Variants in DAB1 observed in about 807,000 individuals in gnomAD.
The protein encoded by DAB1 is DAB adaptor protein 1.
DAB1 carries 15 observed loss-of-function variants against 64.6 expected under a neutral mutation model. The observed-to-expected ratio is 0.23, with a 90% CI of 0.16 to 0.36. The LOEUF (loss-of-function observed/expected upper bound fraction) is 0.36, where lower values mean the gene tolerates loss of function less well. DAB1 is among the 10% of genes least tolerant of loss of function. DAB1 has a pLI of 1.00. For missense variants in DAB1, 596 were observed against 706.7 expected (o/e 0.84, Z 1.78); for synonymous variants, 235 against 251.9 (o/e 0.93, Z 0.64).
At chr1:57,705,524 C>T (rs1646956744) in intron 6 of DAB1, among the ~76,000 whole-genome samples, 1 of 151,972 alleles carries the variant, frequency 6.6e-6, no homozygotes, top group South Asian at 2.1e-4. Flanking sequence ...TTTCTTTTTC[C>T]ATTTTTCTCT....
intron 6 of DAB1, among the ~76,000 whole-genome samples, chr1:57,668,598 A>T (rs1008651522): frequency 6.6e-6 from 1 of 152,236 alleles, no homozygotes; most frequent in African/African-American, 2.4e-5. Flanking sequence ...TCCCCAACCA[A>T]AGGACAGCAC....
intron 5 of DAB1, among the ~76,000 whole-genome samples, chr1:58,138,027 A>G (rs1654044690): frequency 6.6e-6 from 1 of 152,206 alleles, no homozygotes; most frequent in African/African-American, 2.4e-5. Flanking sequence ...TTTTTCTCAT[A>G]AACATAATAT....
At chr1:58,538,213 G>T (rs1177463646) in intron 1 of DAB1, among the ~76,000 whole-genome samples, 1 of 152,074 alleles carries the variant, frequency 6.6e-6, no homozygotes, top group African/African-American at 2.4e-5. Context: ...GAGAAAAAGG[G>T]TTAAAGCACT....
At chr1:58,101,142 C>G (rs1428953312) in intron 5 of DAB1, among the ~76,000 whole-genome samples, 1 of 152,036 alleles carries the variant, frequency 6.6e-6, no homozygotes, top group Non-Finnish European at 1.5e-5. Context: ...CGGTGAAACC[C>G]TGTCTCTACT....
At chr1:57,754,077 C>T (rs1648680063) in intron 6 of DAB1, among the ~76,000 whole-genome samples, 1 of 152,136 alleles carries the variant, frequency 6.6e-6, no homozygotes, top group African/African-American at 2.4e-5. Flanking sequence ...TTATCTCATC[C>T]TCTTCTGAGT....
At chr1:57,245,806 A>G (rs553457299) in intron 2 of DAB1, among the ~76,000 whole-genome samples, 1 of 152,316 alleles carries the variant, frequency 6.6e-6, no homozygotes, top group South Asian at 2.1e-4. Context: ...CAGTAATGGG[A>G]TCGCTGGGTC....
At chr1:57,207,505 G>A (rs1169174198) in intron 2 of DAB1, among the ~76,000 whole-genome samples, 6 of 126,542 alleles carry the variant, frequency 4.7e-5, no homozygotes, top group Non-Finnish European at 6.6e-5. Context: ...GTGCAGTGGC[G>A]GGATCTCGGC....
At position 58,485,228 on chromosome 1, in the gene DAB1, T is replaced by TAAAAA. The variant is rs71043289; in HGVS notation, n.257+20827_257+20831dup. 2.9e-3 allele frequency among the ~76,000 whole-genome samples: 124 copies of TAAAAA among 42,050 alleles called. 3 individuals are homozygous for TAAAAA. Among genetic ancestry groups the TAAAAA allele is most frequent in the African/African-American group, 0.011 (115 of 10,282 alleles). The allele number at this position is 42,050 out of a possible 152,430, so 27.6% of individuals were successfully genotyped here. ...GTCTAAAAATAAAAGAGTCTACTAC[T>TAAAAA]AAAAAAAAAAAAAAAAAAAAAAAAA... On this transcript the variant is annotated intron_variant and non_coding_transcript_variant, in intron 3 of 20. Coordinates refer to the DAB1 transcript ENST00000485760.
At chr1:57,096,211 C>T (rs2100675649) in intron 4 of DAB1, among the ~76,000 whole-genome samples, 1 of 152,198 alleles carries the variant, frequency 6.6e-6, no homozygotes, top group African/African-American at 2.4e-5. Flanking sequence ...ACACCCAAGC[C>T]TTTCTCACTC....
chr1:57,784,457 C>G (rs1290935888), intron 6 of DAB1, among the ~76,000 whole-genome samples: 2 of 152,102 alleles, frequency 1.3e-5, no homozygotes, highest in East Asian at 3.9e-4. Context: ...CCAAGTTATA[C>G]ATGCAAAAGA....
intron 1 of DAB1, among the ~76,000 whole-genome samples, chr1:57,342,646 G>A (rs985600596): frequency 3.3e-5 from 5 of 152,182 alleles, no homozygotes; most frequent in African/African-American, 1.2e-4. Flanking sequence ...GCGGACCCTG[G>A]CAGTGAGTGT....
At chr1:57,047,061 T>A (rs1648588863) in intron 9 of DAB1, among the ~76,000 whole-genome samples, 1 of 152,138 alleles carries the variant, frequency 6.6e-6, no homozygotes, top group African/African-American at 2.4e-5. Flanking sequence ...GAGTGCCCAG[T>A]TTGGATGATA....
rs577814864 is a variant in DAB1 at position 58,495,238 on chromosome 1, G to T, written n.257+10822C>A. On this transcript the variant is annotated intron_variant and non_coding_transcript_variant, in intron 3 of 20. Transcript: ENST00000485760. ...GAACAATGAGAACACATGGACACAG[G>T]AAGGGGAACATCACACACAGGGGTC... Among the ~76,000 whole-genome samples the T allele has an allele frequency of 3.6e-3, 547 of 152,228 alleles. 1 individual carries two copies. Among genetic ancestry groups the T allele is most frequent in the African/African-American group, 0.013 (531 of 41,514 alleles).
intron 4 of DAB1, among the ~76,000 whole-genome samples, chr1:58,299,364 T>C (rs1463429870): frequency 6.6e-6 from 1 of 152,234 alleles, no homozygotes; most frequent in Non-Finnish European, 1.5e-5. Flanking sequence ...AAGTAGGCTG[T>C]GCACTTTCAA....
intron 7 of DAB1, among the ~76,000 whole-genome samples, chr1:57,500,728 GC>G (rs1349294101): frequency 6.6e-6 from 1 of 152,088 alleles, no homozygotes; most frequent in Non-Finnish European, 1.5e-5. Context: ...CCACTGAGCT[GC>G]TTTATTCCTT....
At chr1:57,326,803 G>T (rs1179167797) in intron 1 of DAB1, among the ~76,000 whole-genome samples, 1 of 151,882 alleles carries the variant, frequency 6.6e-6, no homozygotes, top group Non-Finnish European at 1.5e-5. Flanking sequence ...AGACCTCATC[G>T]AATCCTCATC....
At chr1:57,481,184 A>C (rs994201951) in intron 7 of DAB1, among the ~76,000 whole-genome samples, 1 of 152,194 alleles carries the variant, frequency 6.6e-6, no homozygotes, top group Admixed American at 6.5e-5. Flanking sequence ...ATTAAACCAC[A>C]GTCCGGAAAT....
intron 7 of DAB1, among the ~76,000 whole-genome samples, chr1:57,517,118 C>T (rs1388179781): frequency 6.6e-6 from 1 of 151,960 alleles, no homozygotes; most frequent in Non-Finnish European, 1.5e-5. Flanking sequence ...ACAGTAGGTG[C>T]CATTTACTTA....
At chr1:58,426,899 T>C (rs929269222) in intron 3 of DAB1, among the ~76,000 whole-genome samples, 2 of 152,170 alleles carry the variant, frequency 1.3e-5, no homozygotes, top group East Asian at 1.9e-4. Flanking sequence ...AGTGGGAGGA[T>C]TGCAATTTTT....
Sources: gnomAD v4.1 joint callset for allele counts (sites outside exome capture counted in the v4.1 genomes callset) on GRCh38, gnomAD v4.1.1 for gene constraint, MANE v1.5 for transcripts, NCBI Gene and HGNC (gene_info 2026-07-23, HGNC 2026-07-21) for gene names.